Variants in WDR88 observed in about 807,000 individuals in gnomAD.
WDR88 encodes WD repeat domain 88.
WDR88 carries 40 observed loss-of-function variants against 46.8 expected under a neutral mutation model. That is an observed-to-expected ratio of 0.86 (90% CI 0.66 to 1.11). The LOEUF is 1.11. WDR88 is among the 50% of genes most tolerant of loss of function. The probability of loss-of-function intolerance (pLI) is 0.00; values close to 1 mark genes in which losing one functional copy is unlikely to be tolerated. For synonymous variants in WDR88, 235 were observed against 240.7 expected (o/e 0.98, Z 0.22); for missense variants, 562 against 602.4 (o/e 0.93, Z 0.70).
chr19:33,146,044 CAG>C (rs1224579171), intron 3 of WDR88, among the ~76,000 whole-genome samples: 1 of 151,960 alleles, frequency 6.6e-6, no homozygotes, highest in Non-Finnish European at 1.5e-5. Context: ...GAGAGGAAAA[CAG>C]CTGGGAGGCT....
intron 5 of WDR88, among the ~76,000 whole-genome samples, chr19:33,149,408 C>T (rs1442975240): frequency 6.6e-6 from 1 of 152,206 alleles, no homozygotes; most frequent in Non-Finnish European, 1.5e-5. Flanking sequence ...CTTTTCCATT[C>T]ATTCAGTCTT....
At chr19:33,136,312 C>T (rs1973265289) in intron 1 of WDR88, among the ~76,000 whole-genome samples, 1 of 152,196 alleles carries the variant, frequency 6.6e-6, no homozygotes, top group South Asian at 2.1e-4. Context: ...ACCTCAGCCT[C>T]CCAAAGTGCT....
intron 8 of WDR88, among the ~76,000 whole-genome samples, chr19:33,162,696 C>T (rs958191972): frequency 6.6e-6 from 1 of 152,010 alleles, no homozygotes; most frequent in African/African-American, 2.4e-5. Context: ...AATATTTCTC[C>T]CCCAATCTTG....
intron 2 of WDR88, among the ~76,000 whole-genome samples, chr19:33,139,699 A>G (rs926732831): frequency 2.6e-5 from 4 of 152,150 alleles, no homozygotes; most frequent in African/African-American, 7.2e-5. Context: ...ATTATCAGTC[A>G]ATCCCCACTA....
chr19:33,159,703 C>A (rs1451002345), intron 7 of WDR88, among the ~76,000 whole-genome samples: 1 of 152,152 alleles, frequency 6.6e-6, no homozygotes, highest in Non-Finnish European at 1.5e-5. Context: ...AGGCCCCCAA[C>A]CTTTCTGGCG....
At chr19:33,133,890 A>G (rs1293706611) in intron 1 of WDR88, among the ~76,000 whole-genome samples, 3 of 152,164 alleles carry the variant, frequency 2.0e-5, no homozygotes, top group Non-Finnish European at 4.4e-5. Flanking sequence ...GCCTCATGCC[A>G]TGGTCTGACA....
chr19:33,158,685 A>C (rs1973807988), intron 7 of WDR88, among the ~76,000 whole-genome samples: 1 of 146,806 alleles, frequency 6.8e-6, no homozygotes, highest in Non-Finnish European at 1.5e-5. Flanking sequence ...TTTGTGGTCT[A>C]TTTAGTGCCA....
At chr19:33,154,041 G>C (rs970735466) in intron 6 of WDR88, among the ~76,000 whole-genome samples, 2 of 152,076 alleles carry the variant, frequency 1.3e-5, no homozygotes, top group Non-Finnish European at 2.9e-5. Flanking sequence ...TTTTAAAGTT[G>C]ACTCCATCTT....
At chr19:33,165,477 T>C (rs954638774) in intron 9 of WDR88, among the ~76,000 whole-genome samples, 1 of 152,242 alleles carries the variant, frequency 6.6e-6, no homozygotes, top group African/African-American at 2.4e-5. Flanking sequence ...TACATTATTT[T>C]ATATTTTTTA....
At chr19:33,155,600 G>A (rs552310198) in intron 6 of WDR88, among the ~76,000 whole-genome samples, 64 of 152,200 alleles carry the variant, frequency 4.2e-4, no homozygotes, top group African/African-American at 1.5e-3. Flanking sequence ...GGGAGACCAC[G>A]CCTGACATTG....
chr19:33,162,444 A>C (rs924479001), intron 8 of WDR88, among the ~76,000 whole-genome samples: 6 of 151,216 alleles, frequency 4.0e-5, no homozygotes, highest in African/African-American at 9.7e-5. Context: ...CGATCTCCTG[A>C]CCTCGTGATC....
At chr19:33,173,166 G>A (rs140642144) in intron 10 of WDR88, among the ~76,000 whole-genome samples, 1 of 148,002 alleles carries the variant, frequency 6.8e-6, no homozygotes. Flanking sequence ...TGCAGAGAGA[G>A]CCTGAGAGGC....
chr19:33,174,271 C>A, intron 10 of WDR88: 4 of 1,534,690 alleles, frequency 2.6e-6, no homozygotes, highest in Non-Finnish European at 3.5e-6. Flanking sequence ...AAGCCTGAGG[C>A]CAGGCTTCCC....
intron 7 of WDR88, among the ~76,000 whole-genome samples, chr19:33,158,088 G>A (rs1973796319): frequency 6.6e-6 from 1 of 152,094 alleles, no homozygotes; most frequent in Non-Finnish European, 1.5e-5. Context: ...GTGACAGGAA[G>A]CCACCGCGGC....
intron 9 of WDR88, among the ~76,000 whole-genome samples, chr19:33,168,028 C>A (rs1272186399): frequency 4.3e-5 from 6 of 139,114 alleles, no homozygotes; most frequent in Non-Finnish European, 7.6e-5. Context: ...AAAATGATTT[C>A]TTTCTTTTTT....
At chr19:33,133,754 T>C (rs1315177236) in intron 1 of WDR88, among the ~76,000 whole-genome samples, 1 of 152,210 alleles carries the variant, frequency 6.6e-6, no homozygotes, top group Non-Finnish European at 1.5e-5. Context: ...TCCCCCTGTC[T>C]TGCTGACCTA....
rs1485324647 is a variant in WDR88, at chr19:33,137,791, G to C, written c.387+4G>C. ...TGACTGCACTGTGAAGCTGTGGGTA[G>C]GTGGCCGGCTGTTAGGTACTCCTGG... On this transcript the variant is annotated splice_donor_region_variant and intron_variant, in intron 2 of 10. Coordinates refer to ENST00000355868, the MANE Select transcript of WDR88 (RefSeq NM_173479.4). The C allele has an allele frequency of 3.1e-6, 5 of 1,611,696 alleles. No individual in the cohort carries two copies. Among genetic ancestry groups the C allele is most frequent in the Non-Finnish European group, 4.2e-6 (5 of 1,179,418 alleles).
chr19:33,172,544 GAACA>G (rs1391453405), intron 10 of WDR88, 104 bp downstream of exon 10: 4 of 923,216 alleles, frequency 4.3e-6, no homozygotes, highest in Non-Finnish European at 1.6e-6. Context: ...ATGCAATCGT[GAACA>G]AACAGACTGA....
At chr19:33,169,262 CT>C (rs1321512847) in intron 9 of WDR88, among the ~76,000 whole-genome samples, 1 of 152,116 alleles carries the variant, frequency 6.6e-6, no homozygotes, top group East Asian at 1.9e-4. Context: ...AAATTAAGAA[CT>C]TTTGTGCATC....
Sources: allele counts gnomAD v4.1 joint callset (sites outside exome capture counted in the v4.1 genomes callset), GRCh38; gene constraint gnomAD v4.1.1; transcripts MANE v1.5; gene names NCBI Gene and HGNC (gene_info 2026-07-23, HGNC 2026-07-21).